Variants in GRID1 observed in about 807,000 individuals in gnomAD.
GRID1 encodes glutamate receptor ionotropic, delta-1.
In GRID1, 28 loss-of-function variants were observed where a neutral mutation model predicts 98.0. The ratio of observed to expected loss-of-function variants is 0.29; its 90% CI spans 0.21 to 0.39. The LOEUF is 0.39. Ranked by LOEUF, GRID1 falls within the 10% of genes least tolerant of loss-of-function variation. The pLI, the probability that GRID1 is intolerant of heterozygous loss-of-function variation, is 1.00. For missense variants in GRID1, 1,111 were observed against 1,340.5 expected, an observed-to-expected ratio of 0.83 and a Z score of 2.67; for synonymous variants, 553 against 538.5, an observed-to-expected ratio of 1.03 and a Z score of -0.37.
intron 2 of GRID1, among the ~76,000 whole-genome samples, chr10:86,296,784 CACATACATACATACAT>C (rs3061904): frequency 0.075 from 11,356 of 150,678 alleles, 783 homozygotes; most frequent in African/African-American, 0.18. Context: ...CATACATACA[CACATACATACATACAT>C]ACATACATAC....
chr10:85,991,100 G>C (rs1198349915), intron 4 of GRID1, among the ~76,000 whole-genome samples: 1 of 152,170 alleles, frequency 6.6e-6, no homozygotes, highest in Admixed American at 6.5e-5. Context: ...TGAGGGAAGG[G>C]GGCAAGAGTA....
intron 4 of GRID1, among the ~76,000 whole-genome samples, chr10:86,135,361 C>T (rs994487902): frequency 6.6e-6 from 1 of 152,188 alleles, no homozygotes; most frequent in African/African-American, 2.4e-5. Context: ...AACAGGCCCC[C>T]CTGGAGGAAG....
At chr10:85,820,458 A>T (rs1393283721) in intron 8 of GRID1, among the ~76,000 whole-genome samples, 1 of 152,160 alleles carries the variant, frequency 6.6e-6, no homozygotes, top group Non-Finnish European at 1.5e-5. Context: ...AGGATGTGGG[A>T]GTTCTTCATA....
chr10:86,068,751 G>C (rs1219767325), intron 4 of GRID1, among the ~76,000 whole-genome samples: 2 of 152,196 alleles, frequency 1.3e-5, no homozygotes, highest in Non-Finnish European at 2.9e-5. Flanking sequence ...AAGGACACAG[G>C]CATCCTAAGA....
chr10:85,672,557 C>T (rs957562686), intron 12 of GRID1, among the ~76,000 whole-genome samples: 5 of 152,174 alleles, frequency 3.3e-5, no homozygotes, highest in Admixed American at 6.5e-5. Context: ...CTGCCCACCT[C>T]AGCCTCCCAA....
intron 8 of GRID1, among the ~76,000 whole-genome samples, chr10:85,794,468 A>C (rs1842508111): frequency 1.3e-5 from 2 of 152,220 alleles, no homozygotes; most frequent in African/African-American, 2.4e-5. Context: ...TCTTGAATGA[A>C]AGCCAGTGAC....
intron 4 of GRID1, among the ~76,000 whole-genome samples, chr10:86,057,096 C>G (rs1344778711): frequency 1.3e-5 from 2 of 152,210 alleles, no homozygotes; most frequent in Non-Finnish European, 2.9e-5. Context: ...CGAGAACCCT[C>G]CAGTGAGTGG....
intron 2 of GRID1, among the ~76,000 whole-genome samples, chr10:86,242,258 A>G (rs893208757): frequency 2.0e-5 from 3 of 152,218 alleles, no homozygotes; most frequent in African/African-American, 7.2e-5. Context: ...AACACATACG[A>G]AGATCGGAGG....
chr10:86,166,429 A>G (rs897225689), intron 3 of GRID1, among the ~76,000 whole-genome samples: 2 of 152,246 alleles, frequency 1.3e-5, no homozygotes, highest in African/African-American at 2.4e-5. Context: ...TATGCAGCCA[A>G]CAGACATTGT....
intron 2 of GRID1, among the ~76,000 whole-genome samples, chr10:86,246,107 C>A (rs1203356627): frequency 6.6e-6 from 1 of 152,236 alleles, no homozygotes; most frequent in Non-Finnish European, 1.5e-5. Flanking sequence ...TCCCAGGGAG[C>A]CACGAGGCTG....
intron 2 of GRID1, among the ~76,000 whole-genome samples, chr10:86,297,762 C>A (rs998283207): frequency 7.2e-5 from 11 of 152,208 alleles, no homozygotes; most frequent in Non-Finnish European, 1.5e-4. Flanking sequence ...AAAAACAAAA[C>A]TCCCAGAGGC....
intron 8 of GRID1, among the ~76,000 whole-genome samples, chr10:85,829,829 T>G (rs953223584): frequency 6.6e-6 from 1 of 152,144 alleles, no homozygotes; most frequent in Admixed American, 6.6e-5. Context: ...AAATATCCTA[T>G]GCTCATAGAT....
chr10:86,048,707 G>C (rs995355267), intron 4 of GRID1, among the ~76,000 whole-genome samples: 4 of 152,224 alleles, frequency 2.6e-5, no homozygotes, highest in African/African-American at 9.6e-5. Context: ...GAAAATGGTA[G>C]ATCCACATGG....
At chr10:86,346,709 G>C (rs1848388290) in intron 2 of GRID1, among the ~76,000 whole-genome samples, 1 of 152,220 alleles carries the variant, frequency 6.6e-6, no homozygotes, top group South Asian at 2.1e-4. Context: ...CCAGGCATTG[G>C]CCCCACTAGG....
At chr10:85,952,115 T>C (rs1842133286) in intron 4 of GRID1, among the ~76,000 whole-genome samples, 1 of 152,270 alleles carries the variant, frequency 6.6e-6, no homozygotes, top group East Asian at 1.9e-4. Context: ...TTCTCCTTTC[T>C]GTCTCTTATA....
chr10:86,311,501 G>C (rs925994230), intron 2 of GRID1, among the ~76,000 whole-genome samples: 1 of 152,150 alleles, frequency 6.6e-6, no homozygotes, highest in African/African-American at 2.4e-5. Context: ...GTTCCCATTT[G>C]GGCCTCTCTA....
intron 15 of GRID1, chr10:85,605,461 G>A (rs975537317): frequency 1.3e-5 from 2 of 152,206 alleles, no homozygotes; most frequent in African/African-American, 4.8e-5. Context: ...CATTTCCACG[G>A]AAGGGAAACT....
At chr10:86,266,420 C>T (rs145619750) in intron 2 of GRID1, among the ~76,000 whole-genome samples, 1,663 of 152,342 alleles carry the variant, frequency 0.011, 81 homozygotes, top group Admixed American at 0.079. Flanking sequence ...CCCCCAAATA[C>T]ACCATGCCTT....
At chr10:86,152,410 C>T (rs923473904) in intron 3 of GRID1, among the ~76,000 whole-genome samples, 9 of 152,374 alleles carry the variant, frequency 5.9e-5, no homozygotes, top group Non-Finnish European at 1.3e-4. Context: ...TGCCCACTGC[C>T]TCCTGTCTCT....
Sources: gnomAD v4.1 joint callset for allele counts (sites outside exome capture counted in the v4.1 genomes callset) on GRCh38, gnomAD v4.1.1 for gene constraint, MANE v1.5 for transcripts, NCBI Gene and HGNC (gene_info 2026-07-23, HGNC 2026-07-21) for gene names.